Variants in ANKLE2 observed in about 807,000 individuals in gnomAD.
ANKLE2 encodes ankyrin repeat and LEM domain containing 2, also known as ankyrin repeat and LEM domain-containing protein 2.
In ANKLE2, 55 loss-of-function variants were observed where a neutral mutation model predicts 84.2. The observed-to-expected ratio is 0.65, with a 90% confidence interval of 0.53 to 0.82. The LOEUF (loss-of-function observed/expected upper bound fraction) is 0.82. Ranked by LOEUF, ANKLE2 falls within the 40% of genes least tolerant of loss-of-function variation. The pLI, the probability that ANKLE2 is intolerant of heterozygous loss-of-function variation, is 0.00. For missense variants in ANKLE2, 1,238 were observed against 1,201.9 expected (o/e 1.03, Z -0.44); for synonymous variants, 551 against 486.1 (o/e 1.13, Z -1.76).
chr12:132,737,092 C>T lies in ANKLE2; in HGVS notation c.1421-27G>A, dbSNP rs373756955. ...TGAGGGAGGAGACAGGCACTGGCTG[C>T]AGGCTTCCGCCCCCTCCGCAGGTCA... On this transcript the variant is annotated intron_variant, in intron 7 of 12. Transcript: ENST00000357997. The T allele has an allele frequency of 1.0e-5, 16 of 1,567,914 alleles. No individual in the cohort carries two copies. In the African/African-American group the frequency reaches 2.0e-4, roughly 20 times the overall value.
intron 9 of ANKLE2, chr12:132,734,980 T>C (rs1211641255): frequency 7.0e-6 from 2 of 286,876 alleles, no homozygotes; most frequent in Non-Finnish European, 6.5e-6. Context: ...TGGGTTCCAG[T>C]TGTACACCTG....
At chr12:132,748,760 G>A (rs1017867671) in intron 3 of ANKLE2, 6 of 214,324 alleles carry the variant, frequency 2.8e-5, no homozygotes, top group East Asian at 1.1e-4. Flanking sequence ...GTGGTGGCAC[G>A]AATATAGCTC....
chr12:132,733,529 T>C (rs1274067434), intron 10 of ANKLE2, among the ~76,000 whole-genome samples: 2 of 151,260 alleles, frequency 1.3e-5, no homozygotes, highest in Non-Finnish European at 2.9e-5. Flanking sequence ...TGCGTGCTGG[T>C]GCCTGATATG....
chr12:132,734,222 G>A (rs1326971334), intron 10 of ANKLE2, among the ~76,000 whole-genome samples, 163 bp downstream of exon 10: 1 of 152,178 alleles, frequency 6.6e-6, no homozygotes, highest in Non-Finnish European at 1.5e-5. Context: ...TCCAGCTTGG[G>A]TAACAAAGAG....
At position 132,735,482 on chromosome 12, in the gene ANKLE2, G is replaced by A. The variant is rs762525347; in HGVS notation, c.1624C>T (p.Pro542Ser). ...AGGAAGCCTGCTTTCTCTCGAGGTGGAGTTTTCCAGAGCTTGCGAAAATCT... is the reference window on the plus strand; with the variant it reads ...AGGAAGCCTGCTTTCTCTCGAGGTGAAGTTTTCCAGAGCTTGCGAAAATCT... ...AEDFRKLWKT[P>S]PREKAGFLHH... is the part of the protein sequence containing the mutation. The change falls in exon 9 of 13, where the codon CCA becomes TCA. Residue 542 changes from proline (P) to serine (S), a missense_variant. Physicochemically the swap from Pro to Ser is moderately conservative, Grantham distance 74. Coordinates refer to ENST00000357997, the MANE Select transcript of ANKLE2 (RefSeq NM_015114.3). The A allele has an allele frequency of 1.2e-6, 2 of 1,613,388 alleles. No individual in the cohort carries two copies. The highest frequency in any genetic ancestry group is 2.2e-5 in the South Asian group (2 of 90,954).
At chr12:132,737,202 T>TGGGG in intron 7 of ANKLE2, 137 bp from the exon 8 acceptor site, 2 of 896,036 alleles carry the variant, frequency 2.2e-6, no homozygotes, top group Middle Eastern at 3.6e-4. Flanking sequence ...GAGGGTGGTT[T>TGGGG]CCGCCAGAGC....
At chr12:132,761,526 C>G in intron 1 of ANKLE2, 92 bp downstream of exon 1, 1 of 1,078,306 alleles carries the variant, frequency 9.3e-7, no homozygotes. Context: ...GCTGCCGGCT[C>G]CAGGGGCGCG....
chr12:132,760,198 C>T (rs887525051), intron 1 of ANKLE2: 2 of 151,884 alleles, frequency 1.3e-5, no homozygotes, highest in African/African-American at 4.8e-5. Flanking sequence ...ACAGGAATCC[C>T]CACTCAATCA....
intron 3 of ANKLE2, 73 bp downstream of exon 3, chr12:132,750,570 A>T: frequency 6.5e-7 from 1 of 1,536,460 alleles, no homozygotes; most frequent in Non-Finnish European, 9.0e-7. Flanking sequence ...ACCACATCAG[A>T]GGAAAGAAGG....
At chr12:132,746,900 C>A (rs1282691463) in intron 5 of ANKLE2, among the ~76,000 whole-genome samples, 1 of 152,170 alleles carries the variant, frequency 6.6e-6, no homozygotes, top group African/African-American at 2.4e-5. Flanking sequence ...TCAAGCAGGG[C>A]AGCTCCCCTG....
In ANKLE2 at chr12:132,730,002, A is replaced by AT. The variant is rs2043804482; in HGVS notation, c.2159_2160insA (p.Gly721TrpfsTer15). The AT allele has an allele frequency of 2.5e-6, 4 of 1,613,326 alleles. No homozygotes were observed. The highest frequency in any genetic ancestry group is 2.5e-6 in the Non-Finnish European group (3 of 1,179,920). ...CAGGTGGCAGATGGGCTTCCTCCCC[A>AT]CGGGGGGCCTTTGGTCTCTTGCCCG... On this transcript the variant is annotated frameshift_variant, in exon 11 of 13. Coordinates refer to ENST00000357997, the MANE Select transcript of ANKLE2 (RefSeq NM_015114.3). LOFTEE classifies it high-confidence loss of function.
chr12:132,736,113 G>A lies in ANKLE2; in HGVS notation c.1594-601C>T, dbSNP rs374555873. 3.4e-4 allele frequency among the ~76,000 whole-genome samples: 52 copies of A among 152,164 alleles called. No homozygotes were observed. The East Asian group carries it at 3.9e-3, about 11-fold the overall frequency. On this transcript the variant is annotated intron_variant, in intron 8 of 12. Coordinates refer to ENST00000357997, the MANE Select transcript of ANKLE2 (RefSeq NM_015114.3). ...ACTATAGGCGCCCACCACCACGCCC[G>A]GCTAATTTTTTGTATTTTTAGTAGA...
intron 7 of ANKLE2, chr12:132,738,701 T>C (rs1377982872): frequency 6.6e-6 from 1 of 152,040 alleles, no homozygotes; most frequent in Non-Finnish European, 1.5e-5. Flanking sequence ...ATTTTTTGTA[T>C]TTTTAGTAGA....
In ANKLE2 at chr12:132,743,168, TATC is replaced by T. The variant is rs1364351254; in HGVS notation, c.1336_1338del (p.Asp446del). 1.2e-6 allele frequency: 2 copies of T among 1,606,722 alleles called. No homozygotes were observed. Among genetic ancestry groups the T allele is most frequent in the Admixed American group, 1.7e-5 (1 of 59,102 alleles). ...TAAGTACTTACATCTTCAGGTGTTT[TATC>T]ATATTTATTCCTTGAGTTTTTTACA... On this transcript the variant is annotated inframe_deletion, in exon 6 of 13. Coordinates refer to ENST00000357997, the MANE Select transcript of ANKLE2 (RefSeq NM_015114.3). This position sits in a 1 kb window ranked among gnomAD's most constrained non-coding sequence, Gnocchi z 4.1.
intron 1 of ANKLE2, chr12:132,760,295 C>G (rs1368242380): frequency 6.6e-6 from 1 of 152,224 alleles, no homozygotes; most frequent in African/African-American, 2.4e-5. Flanking sequence ...TTGCAACATG[C>G]TTCGGACACC....
At chr12:132,742,065 G>A in intron 6 of ANKLE2, 1 of 317,146 alleles carries the variant, frequency 3.2e-6, no homozygotes, top group South Asian at 2.5e-5. Flanking sequence ...TTAAAACTAT[G>A]AATGCAACTA....
chr12:132,753,443 C>T (rs947119794), intron 2 of ANKLE2, among the ~76,000 whole-genome samples: 2 of 151,764 alleles, frequency 1.3e-5, no homozygotes, highest in Non-Finnish European at 2.9e-5. Flanking sequence ...GAAGCGTGGG[C>T]AACGTGGCGA....
In ANKLE2 at chr12:132,729,934, T is replaced by C; in HGVS notation, c.2228A>G (p.Asn743Ser). The change falls in exon 11 of 13, where the codon AAT becomes AGT. Residue 743 changes from asparagine to serine, a missense_variant. By Grantham distance (46) the Asn-to-Ser change is conservative (BLOSUM62 1). Coordinates refer to ENST00000357997, the MANE Select transcript of ANKLE2 (RefSeq NM_015114.3). ...TGTCTTGGAAACGCTACGTCCTATA[T>C]TTTGCAAATTCAGTTTATCAAACTC... ...TVEFDKLNLQ[N>S]IGRSVSKTPD... 1 of 1,613,620 alleles carries C rather than the reference T, an allele frequency of 6.2e-7. No individual in the cohort carries two copies. Among genetic ancestry groups the C allele is most frequent in the African/African-American group, 1.3e-5 (1 of 74,994 alleles).
rs922019074 is a variant in ANKLE2 at position 132,736,959 on chromosome 12, A to G, written c.1527T>C (p.Tyr509=). The G allele has an allele frequency of 2.5e-6, 4 of 1,613,790 alleles. No homozygotes were observed. Among genetic ancestry groups the G allele is most frequent in the Admixed American group, 3.3e-5 (2 of 59,996 alleles). The change falls in exon 8 of 13, where the codon TAT becomes TAC. Residue 509 remains tyrosine, a synonymous_variant. Transcript: ENST00000357997. ...GTACCGGGTCTCTGGGGCTGCCTCC[A>G]TAGCGGCTGACGTGAGAGGCCTCAG... ...QTAEASHVSR[Y]GGSPRDPVLT...
Sources: gnomAD v4.1 joint callset for allele counts (sites outside exome capture counted in the v4.1 genomes callset) on GRCh38, gnomAD v4.1.1 for gene constraint, Gnocchi (gnomAD v3.1) non-coding constraint, MANE v1.5 for transcripts, NCBI Gene and HGNC (gene_info 2026-07-23, HGNC 2026-07-21) for gene names.